Variants in XPO1 observed in about 807,000 individuals in gnomAD.
XPO1 encodes the protein exportin-1.
Under a neutral mutation model 133.3 loss-of-function variants are expected in XPO1, and 5 were observed. That is an observed-to-expected ratio of 0.04 (90% CI 0.02 to 0.08). XPO1 has a LOEUF of 0.08. XPO1 is among the 10% of genes least tolerant of loss of function. XPO1 has a pLI of 1.00. For synonymous variants in XPO1, 419 were observed against 408.2 expected (o/e 1.03, Z -0.32); for missense variants, 506 against 1,267.5 (o/e 0.40, Z 9.12).
At chr2:61,491,459 A>AACACACACACACACACACACAC (rs61072503) in intron 16 of XPO1, among the ~76,000 whole-genome samples, 24 of 143,010 alleles carry the variant, frequency 1.7e-4, no homozygotes, top group Admixed American at 2.8e-4. Flanking sequence ...TCAAAAAACA[A>AACACACACACACACACACACAC]ACACACACAC....
At chr2:61,525,704 T>C in intron 3 of XPO1, 1 of 1,027,110 alleles carries the variant, frequency 9.7e-7, no homozygotes, top group Non-Finnish European at 1.2e-6. Context: ...ACCTAAAATT[T>C]ACAAGATGTC....
chr2:61,485,773 T>C lies in XPO1; in HGVS notation c.2503A>G (p.Asn835Asp), dbSNP rs1168370134. The change falls in exon 20 of 25, where the codon AAT becomes GAT. Residue 835 changes from asparagine (N) to aspartate (D), a missense_variant. Asn to Asp is a conservative substitution (Grantham distance 23). Around this residue, in one of 6 missense-constraint regions of XPO1, gnomAD observed 203 missense variants for 365.9 expected, o/e 0.55. Transcript: ENST00000401558. Reference protein sequence around the residue: ...AVFECTLNMINKDFEEYPEHR... With the variant: ...AVFECTLNMIDKDFEEYPEHR... ...ATAACTGAAATATTACACACCTTAT[T>C]TATCATATTCAATGTGCATTCAAAA... The C allele has an allele frequency of 6.2e-7, 1 of 1,608,542 alleles. No homozygotes were observed. The highest frequency in any genetic ancestry group is 8.5e-7 in the Non-Finnish European group (1 of 1,176,366).
At chr2:61,527,134 A>G (rs999387105) in intron 2 of XPO1, among the ~76,000 whole-genome samples, 2 of 152,170 alleles carry the variant, frequency 1.3e-5, no homozygotes, top group Non-Finnish European at 2.9e-5. Context: ...ATTCTGAAGC[A>G]AATAAGTTCT....
intron 11 of XPO1, chr2:61,494,299 G>T: frequency 2.1e-6 from 1 of 476,422 alleles, no homozygotes; most frequent in Non-Finnish European, 3.7e-6. Context: ...CTCTCACATA[G>T]TAGTTGATCA....
chr2:61,482,405 T>C lies in XPO1; in HGVS notation c.2947A>G (p.Lys983Glu). The change falls in exon 23 of 25, where the codon AAG becomes GAG. Residue 983 changes from lysine to glutamate, a missense_variant. By Grantham distance (56) the Lys-to-Glu change is moderately conservative. Coordinates refer to ENST00000401558, the MANE Select transcript of XPO1 (RefSeq NM_003400.4). Reference sequence around the variant, plus strand: ...TCTTGTAGGTGAGGGAAGGCCGACTTAAGGAGATTAGCCACATATTCCTGA... The same window carrying C: ...TCTTGTAGGTGAGGGAAGGCCGACTCAAGGAGATTAGCCACATATTCCTGA... Reference protein sequence around the residue: ...FLQEYVANLLKSAFPHLQDAQ... With the variant: ...FLQEYVANLLESAFPHLQDAQ... 6.2e-7 allele frequency: 1 copy of C among 1,611,334 alleles called. No individual in the cohort carries two copies. The highest frequency in any genetic ancestry group is 8.5e-7 in the Non-Finnish European group (1 of 1,179,170).
rs545123809 is a variant in XPO1 at position 61,496,903 on chromosome 2, A to G, written c.864T>C (p.Thr288=). ...QYEEQFVTLF[T]LTMMQLKQML... The stretch of plus-strand genomic sequence containing the variant: ...CCTGCTTTAGTTGCATCATTGTCAG[A>G]GTAAATAGTGTTACAAATTGTTCTT... Residue 288 remains threonine (T), a synonymous_variant, in exon 10 of 25, where the codon ACT becomes ACC. Transcript: ENST00000401558. 5 of 1,609,902 alleles carry G rather than the reference A, an allele frequency of 3.1e-6. No homozygotes were observed. The South Asian group carries it at 3.3e-5, about 11-fold the overall frequency.
At chr2:61,517,331 C>T (rs998044421) in intron 4 of XPO1, among the ~76,000 whole-genome samples, 3 of 152,134 alleles carry the variant, frequency 2.0e-5, no homozygotes, top group African/African-American at 7.2e-5. Flanking sequence ...TACCTGTAAC[C>T]CCAGCACTTT....
In XPO1 at chr2:61,478,638, AAAGC is replaced by A; in HGVS notation, c.*178_*181del. The A allele has an allele frequency of 3.3e-6, 2 of 612,848 alleles. No homozygotes were observed. The highest frequency in any genetic ancestry group is 7.5e-5 in the Admixed American group (2 of 26,834). The allele number at this position is 612,848 out of a possible 1,614,324, so 38.0% of individuals were successfully genotyped here. On this transcript the variant is annotated 3_prime_UTR_variant, in exon 25 of 25. Transcript: ENST00000401558. ...AAACTAAATAAAGATGACCAAAACA[AAAGC>A]TTAAACAATGGAAGGATATTTCACA...
At chr2:61,481,596 A>T (rs567543501) in intron 23 of XPO1, among the ~76,000 whole-genome samples, 18 of 152,076 alleles carry the variant, frequency 1.2e-4, no homozygotes, top group African/African-American at 4.1e-4. Flanking sequence ...ACAGGCATGC[A>T]CCACCATGCC....
At chr2:61,484,464 G>A (rs935556729) in intron 20 of XPO1, 5 of 181,610 alleles carry the variant, frequency 2.8e-5, no homozygotes, top group South Asian at 1.3e-4. Flanking sequence ...TCCACTTAAC[G>A]TATCTTTTAT....
Position 61,482,034 on chromosome 2 carries a change from C to CTTTTTTTTTTTTTT in XPO1, c.2972+332_2972+345dup, listed in dbSNP as rs1195049382. ...ACAGTCATGAGCCACCGTGCGTGGC[C>CTTTTTTTTTTTTTT]TTTTTTTTTTTTTTTTTTTTTTTGC... is the stretch of plus-strand genomic sequence containing the variant. On this transcript the variant is annotated intron_variant, in intron 23 of 24. Transcript: ENST00000401558. 3.8e-4 allele frequency among the ~76,000 whole-genome samples: 27 copies of CTTTTTTTTTTTTTT among 71,390 alleles called. 1 individual carries two copies. Among genetic ancestry groups the CTTTTTTTTTTTTTT allele is most frequent in the Admixed American group, 8.3e-4 (4 of 4,826 alleles). 46.8% of individuals were successfully genotyped at this position (71,390 alleles called of 152,430 possible).
At chr2:61,482,613 T>C in intron 22 of XPO1, 74 bp from the exon 23 acceptor site, 2 of 93,878 alleles carry the variant, frequency 2.1e-5, no homozygotes, top group Non-Finnish European at 1.3e-5. Flanking sequence ...TTTTGTTTTG[T>C]TTTTTTTTTT....
chr2:61,482,033 CCTTTTTTTTTT>C lies in XPO1; in HGVS notation c.2972+336_2972+346del, dbSNP rs1034304778. ...TACAGTCATGAGCCACCGTGCGTGG[CCTTTTTTTTTT>C]TTTTTTTTTTTTTGCTTTTTTAAAG... On this transcript the variant is annotated intron_variant, in intron 23 of 24. Coordinates refer to ENST00000401558, the MANE Select transcript of XPO1 (RefSeq NM_003400.4). Among the ~76,000 whole-genome samples, 24 of 86,836 alleles carry C rather than the reference CCTTTTTTTTTT, an allele frequency of 2.8e-4. 2 individuals carry two copies. The South Asian group carries it at 8.1e-3, about 29-fold the overall frequency. The allele number at this position is 86,836 out of a possible 152,430, so 57.0% of individuals were successfully genotyped here. A position where few individuals can be genotyped will look rare whatever the true frequency, so the allele number is the denominator to read the frequency against.
intron 6 of XPO1, among the ~76,000 whole-genome samples, chr2:61,501,227 T>G (rs552639936): frequency 6.6e-6 from 1 of 152,206 alleles, no homozygotes; most frequent in African/African-American, 2.4e-5. Context: ...GAAATTACTG[T>G]TTTTTCCCCC....
At chr2:61,491,558 G>T (rs1211904464) in intron 16 of XPO1, among the ~76,000 whole-genome samples, 1 of 150,382 alleles carries the variant, frequency 6.6e-6, no homozygotes, top group Non-Finnish European at 1.5e-5. Context: ...TTTTACATAG[G>T]ACAACAGCCT....
Position 61,495,617 on chromosome 2 carries a change from C to A in XPO1, c.889-4G>T. On this transcript the variant is annotated splice_polypyrimidine_tract_variant and splice_region_variant and intron_variant, in intron 10 of 24. Transcript: ENST00000401558. Reference sequence around the variant, plus strand: ...TATTGGTATTTAAAGGAAGCATCTGCAAATTTTAAAAGGGACGATCAGTTC... The same window carrying A: ...TATTGGTATTTAAAGGAAGCATCTGAAAATTTTAAAAGGGACGATCAGTTC... 6.5e-7 allele frequency: 1 copy of A among 1,549,978 alleles called. No homozygotes were observed. The highest frequency in any genetic ancestry group is 8.7e-7 in the Non-Finnish European group (1 of 1,144,420).
chr2:61,538,577 G>A (rs543582825), upstream of XPO1: 1 of 152,788 alleles, frequency 6.5e-6, no homozygotes, highest in African/African-American at 2.4e-5. Flanking sequence ...GGAGGAGGAG[G>A]AGGTGGGACG....
intron 4 of XPO1, among the ~76,000 whole-genome samples, chr2:61,519,555 T>G (rs1573202566): frequency 6.8e-6 from 1 of 146,774 alleles, no homozygotes; most frequent in Admixed American, 6.8e-5. Flanking sequence ...AAAAATTAGC[T>G]GGGTGTGGTG....
intron 24 of XPO1, among the ~76,000 whole-genome samples, chr2:61,479,187 C>T (rs1696205324): frequency 6.6e-6 from 1 of 152,126 alleles, no homozygotes; most frequent in South Asian, 2.1e-4. Flanking sequence ...AATCATGGGC[C>T]CCGGCATGGT....
Sources: gnomAD v4.1 joint callset for allele counts (sites outside exome capture counted in the v4.1 genomes callset) on GRCh38, gnomAD v4.1.1 for gene constraint, gnomAD v4.1.1 regional missense constraint, MANE v1.5 for transcripts, NCBI Gene and HGNC (gene_info 2026-07-23, HGNC 2026-07-21) for gene names.